RSRP1: variants seen among roughly 807,000 people sequenced by gnomAD.
RSRP1 encodes the protein arginine/serine-rich protein 1.
A neutral mutation model predicts 33.0 loss-of-function variants in RSRP1; 37 were observed. The observed-to-expected ratio is 1.12, with a 90% CI of 0.86 to 1.48. The LOEUF is 1.48. Among genes scored for constraint, RSRP1 ranks in the 40% most tolerant of loss-of-function variants. RSRP1 has a pLI of 0.00. For synonymous variants in RSRP1, 167 were observed against 158.7 expected, an observed-to-expected ratio of 1.05 and a Z score of -0.40; for missense variants, 402 against 385.3, an observed-to-expected ratio of 1.04 and a Z score of -0.36.
intron 1 of RSRP1, among the ~76,000 whole-genome samples, chr1:25,266,297 G>A (rs968848811): frequency 7.7e-6 from 1 of 130,406 alleles, no homozygotes; most frequent in African/African-American, 2.7e-5. Context: ...GGCAAAAAAC[G>A]CAAAGAGAAA....
chr1:25,299,402 T>C (rs916670241), intron 1 of RSRP1, among the ~76,000 whole-genome samples: 2 of 129,798 alleles, frequency 1.5e-5, no homozygotes, highest in African/African-American at 5.3e-5. Context: ...AATAAATAAA[T>C]ACAAATAAAA....
At chr1:25,253,015 ACAGATTTCTGG>A (rs1344382451) in intron 1 of RSRP1, 2 of 152,108 alleles carry the variant, frequency 1.3e-5, no homozygotes, top group African/African-American at 4.8e-5. Flanking sequence ...GTGCCCAGGG[ACAGATTTCTGG>A]CACGTAACCA....
chr1:25,252,200 A>C (rs1051741384), upstream of RSRP1, among the ~76,000 whole-genome samples: 108 of 151,264 alleles, frequency 7.1e-4, no homozygotes, highest in African/African-American at 2.5e-3. Flanking sequence ...AGTAGCAGGG[A>C]TTACAGGCAC....
Position 25,245,727 on chromosome 1 carries a change from C to T in RSRP1, c.521-426G>A, listed in dbSNP as rs74223972. Among the ~76,000 whole-genome samples the T allele has an allele frequency of 5.3e-5, 8 of 152,212 alleles. No homozygotes were observed. The East Asian group carries it at 1.5e-3, about 29-fold the overall frequency. Reference sequence around the variant, plus strand: ...TTGTTTTCTTGACTAAAGGCCTGAGCGTCCTATTATTTTGTCTTTTTGTTG... The same window carrying T: ...TTGTTTTCTTGACTAAAGGCCTGAGTGTCCTATTATTTTGTCTTTTTGTTG... On this transcript the variant is annotated intron_variant, in intron 2 of 4. Coordinates refer to ENST00000243189, the MANE Select transcript of RSRP1 (RefSeq NM_020317.5).
At chr1:25,248,915 G>A (rs1483707608), upstream of RSRP1, among the ~76,000 whole-genome samples, 3 of 152,124 alleles carry the variant, frequency 2.0e-5, no homozygotes, top group Non-Finnish European at 2.9e-5. Context: ...TTGGGAGGCC[G>A]AAGCGGGAAG....
Position 25,244,227 on chromosome 1 carries a change from G to T in RSRP1, c.673-594C>A, listed in dbSNP as rs750776425. On this transcript the variant is annotated intron_variant, in intron 3 of 4. Transcript: ENST00000243189. ...TCTTCTGTAATCTCTCAAAACATCTGGAATATATTGCATATATTATGAAAG... is the reference window on the plus strand; with the variant it reads ...TCTTCTGTAATCTCTCAAAACATCTTGAATATATTGCATATATTATGAAAG... The T allele has an allele frequency of 1.3e-5, 17 of 1,288,964 alleles. No homozygotes were observed. In the South Asian group the frequency reaches 2.1e-4, roughly 16 times the overall value. The allele number at this position is 1,288,964 out of a possible 1,614,324, so 79.8% of individuals were successfully genotyped here.
rs1319469649 is a variant in RSRP1, at chr1:25,330,981, T to A, written c.-67+6997A>T. ...TTTTTTTTTTTTTTTTTTTTTTTTTTGAGACAGAGTCTCGCTCTATCGCCC... is the reference window on the plus strand; with the variant it reads ...TTTTTTTTTTTTTTTTTTTTTTTTTAGAGACAGAGTCTCGCTCTATCGCCC... On this transcript the variant is annotated intron_variant, in intron 1 of 1. Transcript: ENST00000561867. Among the ~76,000 whole-genome samples, 2 of 64,908 alleles carry A rather than the reference T, an allele frequency of 3.1e-5. 1 individual carries two copies. The highest frequency in any genetic ancestry group is 7.1e-5 in the Non-Finnish European group (2 of 28,350). The allele number at this position is 64,908 out of a possible 152,430, so 42.6% of individuals were successfully genotyped here.
intron 1 of RSRP1, among the ~76,000 whole-genome samples, chr1:25,288,291 T>C (rs1642217475): frequency 7.8e-6 from 1 of 128,602 alleles, no homozygotes; most frequent in African/African-American, 2.6e-5. Flanking sequence ...GTACTGGAAT[T>C]ACAGCCTCCT....
At chr1:25,329,074 T>G (rs1644922559) in intron 1 of RSRP1, 1 of 1,328,110 alleles carries the variant, frequency 7.5e-7, no homozygotes, top group African/African-American at 1.4e-5. Flanking sequence ...AGTTGAATCC[T>G]TTCTCTGCCA....
rs558208835 is a variant in RSRP1 at position 25,278,680 on chromosome 1, C to A, written c.-66-31651G>T. Among the ~76,000 whole-genome samples, 5 of 131,840 alleles carry A rather than the reference C, an allele frequency of 3.8e-5. 2 individuals carry two copies. The highest frequency in any genetic ancestry group is 9.0e-5 in the Non-Finnish European group (5 of 55,584). The allele number at this position is 131,840 out of a possible 152,430, so 86.5% of individuals were successfully genotyped here. ...TATCCTGGGTCCTGTGCTGTGGATA[C>A]CACTCAGTCCCCCATCCCCACCCCA... On this transcript the variant is annotated intron_variant, in intron 1 of 1. Coordinates refer to the RSRP1 transcript ENST00000561867.
At chr1:25,287,748 G>A (rs1298904241) in intron 1 of RSRP1, among the ~76,000 whole-genome samples, 2 of 135,304 alleles carry the variant, frequency 1.5e-5, no homozygotes, top group Non-Finnish European at 3.5e-5. Flanking sequence ...TAGAGACAGG[G>A]TCTTGCTCTG....
intron 1 of RSRP1, among the ~76,000 whole-genome samples, chr1:25,289,135 A>C (rs568612574): frequency 7.6e-6 from 1 of 131,872 alleles, no homozygotes; most frequent in Admixed American, 7.4e-5. Flanking sequence ...TTAATCCTCT[A>C]CGTGACCCTC....
intron 1 of RSRP1, among the ~76,000 whole-genome samples, chr1:25,311,703 C>T (rs1644158002): frequency 7.7e-6 from 1 of 129,148 alleles, no homozygotes; most frequent in East Asian, 2.0e-4. Flanking sequence ...AGCTGCTGCC[C>T]AGGGCTGCCT....
chr1:25,261,427 C>CA lies in RSRP1; in HGVS notation c.-66-14399dup, dbSNP rs1327780858. On this transcript the variant is annotated intron_variant, in intron 1 of 1. Transcript: ENST00000561867. ...CTTTCTTTTTTTTTTTTTTTTGAGA[C>CA]AGAGTCTCACTCTGTCACCCAGGCT... 1.0e-4 allele frequency among the ~76,000 whole-genome samples: 15 copies of CA among 145,028 alleles called. No individual in the cohort carries two copies. In the Admixed American group the frequency reaches 1.0e-3, roughly 10 times the overall value.
chr1:25,242,814 T>G, intron 4 of RSRP1, 109 bp from the exon 5 acceptor site: 1 of 789,320 alleles, frequency 1.3e-6, no homozygotes, highest in South Asian at 1.7e-5. Flanking sequence ...ATATTATCAA[T>G]TGCTGGGCGC....
At chr1:25,260,333 A>T (rs566472091) in intron 1 of RSRP1, among the ~76,000 whole-genome samples, 1 of 152,354 alleles carries the variant, frequency 6.6e-6, no homozygotes, top group South Asian at 2.1e-4. Flanking sequence ...ACATACAGAA[A>T]ATGTGACTGT....
At position 25,310,538 on chromosome 1, in the gene RSRP1, A is replaced by G. The variant is rs1262223203; in HGVS notation, c.-67+27440T>C. ...TTTGTCATAGCAACAGAATATGGAC[A>G]AAGAAAGAAAATTAATGCAAGAAGT... On this transcript the variant is annotated intron_variant, in intron 1 of 1. Coordinates refer to the RSRP1 transcript ENST00000561867. Among the ~76,000 whole-genome samples the G allele has an allele frequency of 1.5e-5, 2 of 131,644 alleles. 1 individual carries two copies. Among genetic ancestry groups the G allele is most frequent in the Non-Finnish European group, 3.6e-5 (2 of 55,458 alleles). The allele number at this position is 131,644 out of a possible 152,430, so 86.4% of individuals were successfully genotyped here.
At chr1:25,315,846 T>C (rs1644413914) in intron 1 of RSRP1, among the ~76,000 whole-genome samples, 1 of 131,028 alleles carries the variant, frequency 7.6e-6, no homozygotes, top group African/African-American at 2.6e-5. Flanking sequence ...CTCTCCACTC[T>C]CCTATGATCT....
rs1353101565 is a variant in RSRP1 at position 25,276,270 on chromosome 1, G to A, written c.-66-29241C>T. 1.4e-4 allele frequency among the ~76,000 whole-genome samples: 18 copies of A among 129,996 alleles called. 3 individuals carry two copies. Among genetic ancestry groups the A allele is most frequent in the African/African-American group, 4.7e-4 (18 of 37,930 alleles). 85.3% of individuals were successfully genotyped at this position (129,996 alleles called of 152,430 possible). ...CATGATATCTGGGGTTTGCTTTTAT[G>A]CCAGAAAAAAGAAAAAGTACAGAAG... On this transcript the variant is annotated intron_variant, in intron 1 of 1. Transcript: ENST00000561867.
Sources: allele counts gnomAD v4.1 joint callset (sites outside exome capture counted in the v4.1 genomes callset), GRCh38; gene constraint gnomAD v4.1.1; transcripts MANE v1.5; gene names NCBI Gene and HGNC (gene_info 2026-07-23, HGNC 2026-07-21).